The following SMPD4 variants were observed in gnomAD, a reference collection of about 807,000 sequenced individuals.
SMPD4 encodes the protein neutral sphingomyelinase 3.
A neutral mutation model predicts 97.8 loss-of-function variants in SMPD4; 58 were observed. That is an observed-to-expected ratio of 0.59 (90% CI 0.48 to 0.74). The LOEUF is 0.74. Among genes scored for constraint, SMPD4 ranks in the 30% least tolerant of loss-of-function variants. The pLI is 0.00. For missense variants in SMPD4, 853 were observed against 1,080.5 expected (o/e 0.79, Z 2.95); for synonymous variants, 388 against 450.0 (o/e 0.86, Z 1.74).
intron 1 of SMPD4, chr2:130,181,154 A>T: frequency 1.6e-6 from 1 of 624,134 alleles, no homozygotes. Flanking sequence ...GGAGATGTGG[A>T]GCACACAGGG....
chr2:130,154,653 A>C, intron 15 of SMPD4, 171 bp from the exon 16 acceptor site: 1 of 820,660 alleles, frequency 1.2e-6, no homozygotes, highest in Non-Finnish European at 2.0e-6. Flanking sequence ...TGACATGGGG[A>C]GGGCGGATGG....
At chr2:130,158,375 T>C (rs1299440522) in intron 11 of SMPD4, 1 of 523,726 alleles carries the variant, frequency 1.9e-6, no homozygotes, top group Non-Finnish European at 2.9e-6. Flanking sequence ...TGGAGCACAG[T>C]GGCGCAATCT....
intron 11 of SMPD4, 86 bp from the exon 12 acceptor site, chr2:130,157,482 G>A: frequency 7.0e-6 from 11 of 1,569,338 alleles, no homozygotes; most frequent in Non-Finnish European, 9.5e-6. Context: ...ATCCCGCCCT[G>A]AGCCAGTTGC....
intron 11 of SMPD4, chr2:130,158,241 G>A (rs530921880): frequency 5.9e-5 from 76 of 1,288,694 alleles, no homozygotes; most frequent in African/African-American, 2.4e-4. Context: ...AGCCCCGGGC[G>A]TCACTTCCTC....
chr2:130,172,558 C>T (rs1688573781), intron 7 of SMPD4, 58 bp from the exon 8 acceptor site: 2 of 1,613,432 alleles, frequency 1.2e-6, no homozygotes, highest in Middle Eastern at 1.7e-4. Context: ...CCACCAAGCA[C>T]CAACAAGTGC....
chr2:130,177,833 C>G (rs1273483973), intron 1 of SMPD4, among the ~76,000 whole-genome samples: 8 of 152,162 alleles, frequency 5.3e-5, no homozygotes, highest in African/African-American at 1.9e-4. Flanking sequence ...TCTAAATGCT[C>G]TCTATATATC....
At chr2:130,172,178 C>T (rs559930284) in intron 8 of SMPD4, among the ~76,000 whole-genome samples, 171 bp downstream of exon 8, 5 of 152,272 alleles carry the variant, frequency 3.3e-5, no homozygotes, top group Admixed American at 2.0e-4. Context: ...ACAGATTGCC[C>T]GCCATACCCC....
chr2:130,181,416 G>A lies in SMPD4; in HGVS notation c.-46+114C>T, dbSNP rs573827965. On this transcript the variant is annotated intron_variant, in intron 1 of 19. Coordinates refer to ENST00000680298, the MANE Select transcript of SMPD4 (RefSeq NM_017951.5). ...CAGCCTGCCCTGCCTGGGCAGAGCC[G>A]GCTGGCCGGCCCGAGTCCTGGGGCT... The A allele has an allele frequency of 5.2e-5, 78 of 1,495,730 alleles. 2 individuals carry two copies. The African/African-American group carries it at 8.3e-4, about 16-fold the overall frequency. 92.7% of individuals were successfully genotyped at this position (1,495,730 alleles called of 1,614,324 possible).
At chr2:130,173,789 G>A in intron 3 of SMPD4, 133 bp from the exon 4 acceptor site, 1 of 1,191,170 alleles carries the variant, frequency 8.4e-7, no homozygotes, top group Non-Finnish European at 1.2e-6. Context: ...GATCAGCCCT[G>A]CACCCAAAGG....
intron 11 of SMPD4, among the ~76,000 whole-genome samples, chr2:130,160,926 T>G (rs1230679500): frequency 6.6e-6 from 1 of 152,200 alleles, no homozygotes. Context: ...TCCACTGGCC[T>G]GGAGCCTGGA....
chr2:130,172,138 A>G (rs1688530153), intron 8 of SMPD4, among the ~76,000 whole-genome samples: 1 of 152,210 alleles, frequency 6.6e-6, no homozygotes, highest in Non-Finnish European at 1.5e-5. Flanking sequence ...TGATAGCTTC[A>G]GTGATGGCCA....
At chr2:130,153,005 T>TC (rs1686383659) in intron 19 of SMPD4, 38 bp downstream of exon 19, 1 of 1,593,818 alleles carries the variant, frequency 6.3e-7, no homozygotes, top group African/African-American at 1.4e-5. Context: ...TCTAGAACCC[T>TC]CTCTGAAGAC....
chr2:130,156,210 GCGGCA>G, intron 13 of SMPD4, 75 bp from the exon 14 acceptor site: 1 of 1,328,012 alleles, frequency 7.5e-7, no homozygotes, highest in Non-Finnish European at 1.1e-6. Context: ...CAGATACCAG[GCGGCA>G]GCTGGGTGGG....
chr2:130,155,305 C>T (rs1170328640), intron 14 of SMPD4, 46 bp from the exon 15 acceptor site: 2 of 1,610,842 alleles, frequency 1.2e-6, no homozygotes, highest in East Asian at 4.5e-5. Flanking sequence ...CAACTGGAAG[C>T]ATGCCCCTAA....
At chr2:130,178,552 T>C (rs1176797528) in intron 1 of SMPD4, among the ~76,000 whole-genome samples, 1 of 152,114 alleles carries the variant, frequency 6.6e-6, no homozygotes, top group East Asian at 1.9e-4. Context: ...CCCAGCACTT[T>C]GGGAGGCCGC....
At chr2:130,178,424 A>G (rs1470078430) in intron 1 of SMPD4, among the ~76,000 whole-genome samples, 3 of 152,172 alleles carry the variant, frequency 2.0e-5, no homozygotes, top group Non-Finnish European at 4.4e-5. Context: ...TCCCCTCCAT[A>G]TTACCTGTGC....
Position 130,172,671 on chromosome 2 carries a change from A to G in SMPD4, c.461T>C (p.Phe154Ser). 6.2e-7 allele frequency: 1 copy of G among 1,614,218 alleles called. No homozygotes were observed. The highest frequency in any genetic ancestry group is 1.1e-5 in the South Asian group (1 of 91,084). The stretch of plus-strand genomic sequence containing the variant: ...GGCAAAGAAGAATATGTAATACTCG[A>G]ACGGATCTGAGAGCAGCGTCAGGGG... ...GLGLNLALNP[F>S]EYYIFFFALS... is the part of the protein sequence containing the mutation. The change falls in exon 7 of 20, where the codon TTC (phenylalanine) becomes TCC (serine). Residue 154 changes from phenylalanine to serine, a missense_variant. Physicochemically the swap from Phe to Ser is radical, Grantham distance 155. Around this residue, in one of 3 missense-constraint regions of SMPD4, gnomAD observed 313 missense variants for 402.2 expected, o/e 0.78. Coordinates refer to ENST00000680298, the MANE Select transcript of SMPD4 (RefSeq NM_017951.5).
At chr2:130,168,867 G>A (rs556428983) in intron 8 of SMPD4, among the ~76,000 whole-genome samples, 22 of 151,748 alleles carry the variant, frequency 1.4e-4, no homozygotes, top group East Asian at 3.9e-4. Context: ...GATTACAGGC[G>A]CACACCACCA....
At chr2:130,179,810 A>C (rs143105582) in intron 1 of SMPD4, among the ~76,000 whole-genome samples, 3,302 of 151,868 alleles carry the variant, frequency 0.022, 91 homozygotes, top group African/African-American at 0.068. Context: ...ACATGCCACC[A>C]CATCCAGTTA....
Sources: gnomAD v4.1 joint callset for allele counts (sites outside exome capture counted in the v4.1 genomes callset) on GRCh38, gnomAD v4.1.1 for gene constraint, gnomAD v4.1.1 regional missense constraint, MANE v1.5 for transcripts, NCBI Gene and HGNC (gene_info 2026-07-23, HGNC 2026-07-21) for gene names.